Variants in ARFIP1 observed in about 807,000 individuals in gnomAD.
ARFIP1 encodes the protein arfaptin-1.
ARFIP1 carries 24 observed loss-of-function variants against 42.5 expected under a neutral mutation model. The observed-to-expected ratio is 0.57, with a 90% CI of 0.41 to 0.80. The LOEUF (loss-of-function observed/expected upper bound fraction) is 0.80, where lower values mean the gene tolerates loss of function less well. Ranked by LOEUF, ARFIP1 falls within the 30% of genes least tolerant of loss-of-function variation. ARFIP1 has a pLI of 0.00. For missense variants in ARFIP1, 354 were observed against 434.0 expected, an observed-to-expected ratio of 0.82 and a Z score of 1.64; for synonymous variants, 141 against 153.7, an observed-to-expected ratio of 0.92 and a Z score of 0.61.
intron 1 of ARFIP1, among the ~76,000 whole-genome samples, chr4:152,822,296 T>TAAAAAAAAAAAAAAAAAAAAAAGAA (rs1730440694): frequency 1.5e-5 from 1 of 65,580 alleles, no homozygotes; most frequent in African/African-American, 5.1e-5. Flanking sequence ...GCAACAGCAG[T>TAAAAAAAAAAAAAAAAAAAAAAGAA]AAAAAAAAAA....
At chr4:152,815,741 T>G (rs1173282189) in intron 1 of ARFIP1, among the ~76,000 whole-genome samples, 2 of 135,022 alleles carry the variant, frequency 1.5e-5, no homozygotes, top group African/African-American at 5.9e-5. Flanking sequence ...ACCACTTCTT[T>G]TTTTTTTTTT....
intron 3 of ARFIP1, among the ~76,000 whole-genome samples, chr4:152,869,730 GTAGT>G (rs749643449): frequency 6.6e-6 from 1 of 152,158 alleles, no homozygotes; most frequent in African/African-American, 2.4e-5. Flanking sequence ...CTCTCAGCCA[GTAGT>G]TAATGTTTCT....
intron 2 of ARFIP1, 92 bp from the exon 3 acceptor site, chr4:152,863,514 A>G: frequency 1.4e-6 from 1 of 712,018 alleles, no homozygotes; most frequent in South Asian, 1.8e-5. Context: ...AAAATAATCT[A>G]AGATTTGATT....
At chr4:152,872,196 GTTTT>G (rs1378080987) in intron 4 of ARFIP1, among the ~76,000 whole-genome samples, 3 of 152,074 alleles carry the variant, frequency 2.0e-5, no homozygotes. Flanking sequence ...TGCAGCAAGA[GTTTT>G]TTTGTTTGTT....
At chr4:152,843,703 G>T (rs1732295874) in intron 2 of ARFIP1, among the ~76,000 whole-genome samples, 2 of 152,162 alleles carry the variant, frequency 1.3e-5, no homozygotes, top group South Asian at 4.1e-4. Flanking sequence ...GTGGGGGAAA[G>T]CCGGCAGTCA....
chr4:152,793,340 A>G (rs1403144363), intron 1 of ARFIP1, among the ~76,000 whole-genome samples: 1 of 148,076 alleles, frequency 6.8e-6, no homozygotes, highest in Non-Finnish European at 1.5e-5. Flanking sequence ...ATATATATAT[A>G]TAATATATAT....
intron 1 of ARFIP1, among the ~76,000 whole-genome samples, chr4:152,821,469 ACAAAGT>A (rs977807387): frequency 6.6e-6 from 1 of 152,196 alleles, no homozygotes; most frequent in African/African-American, 2.4e-5. Context: ...AAAGAAATGA[ACAAAGT>A]CATCCGGAAA....
intron 2 of ARFIP1, among the ~76,000 whole-genome samples, chr4:152,856,283 C>T (rs1733428250): frequency 6.6e-6 from 1 of 152,140 alleles, no homozygotes; most frequent in African/African-American, 2.4e-5. Context: ...GAGTGTTGTT[C>T]TTTCTGATAA....
intron 1 of ARFIP1, chr4:152,796,421 C>G: frequency 1.3e-6 from 1 of 742,096 alleles, no homozygotes; most frequent in Non-Finnish European, 2.5e-6. Context: ...CTTCTTCTTT[C>G]TCTTTCCTGT....
At chr4:152,815,738 C>CT (rs1218298842) in intron 1 of ARFIP1, among the ~76,000 whole-genome samples, 2,607 of 85,444 alleles carry the variant, frequency 0.031, 57 homozygotes, top group African/African-American at 0.035. Context: ...CTGACCACTT[C>CT]TTTTTTTTTT....
At chr4:152,808,011 G>A (rs772865098) in intron 1 of ARFIP1, among the ~76,000 whole-genome samples, 11 of 151,620 alleles carry the variant, frequency 7.3e-5, no homozygotes, top group South Asian at 4.1e-4. Context: ...ACAGAGTTTC[G>A]CTGTTGTTGC....
intron 5 of ARFIP1, among the ~76,000 whole-genome samples, chr4:152,878,714 A>G (rs1281135951): frequency 2.0e-5 from 3 of 152,212 alleles, no homozygotes; most frequent in East Asian, 1.9e-4. Flanking sequence ...CTTCACCTCT[A>G]TGCCTGCTTG....
intron 1 of ARFIP1, among the ~76,000 whole-genome samples, chr4:152,812,536 T>C (rs1481461748): frequency 6.6e-6 from 1 of 152,234 alleles, no homozygotes; most frequent in African/African-American, 2.4e-5. Flanking sequence ...CTTGAGTTCT[T>C]TTGTCATTCT....
chr4:152,848,173 G>C (rs1352878299), intron 2 of ARFIP1, among the ~76,000 whole-genome samples: 2 of 152,144 alleles, frequency 1.3e-5, no homozygotes, highest in Admixed American at 1.3e-4. Flanking sequence ...GAATTACCCA[G>C]TATTAATTAA....
At chr4:152,809,031 G>A (rs1258315647) in intron 1 of ARFIP1, among the ~76,000 whole-genome samples, 2 of 152,060 alleles carry the variant, frequency 1.3e-5, no homozygotes, top group African/African-American at 2.4e-5. Flanking sequence ...CAGCCTGGGC[G>A]ACAGAGGAAG....
intron 1 of ARFIP1, among the ~76,000 whole-genome samples, chr4:152,812,638 A>G (rs1045423397): frequency 6.6e-6 from 1 of 152,202 alleles, no homozygotes; most frequent in African/African-American, 2.4e-5. Context: ...GAAATTCCAA[A>G]TGAACTGGTG....
intron 2 of ARFIP1, among the ~76,000 whole-genome samples, chr4:152,853,835 C>T (rs961535630): frequency 6.6e-6 from 1 of 151,104 alleles, no homozygotes; most frequent in African/African-American, 2.4e-5. Context: ...ATACTTTCCT[C>T]ATTCTTTTTT....
intron 1 of ARFIP1, among the ~76,000 whole-genome samples, chr4:152,813,414 T>G (rs963551472): frequency 7.2e-5 from 11 of 152,194 alleles, no homozygotes; most frequent in African/African-American, 2.7e-4. Context: ...TTGTTTGTTT[T>G]TATGCTTCTC....
chr4:152,891,874 AT>A (rs111902405), intron 8 of ARFIP1, among the ~76,000 whole-genome samples: 47 of 145,386 alleles, frequency 3.2e-4, no homozygotes, highest in East Asian at 1.2e-3. Flanking sequence ...TGCCCAGTTA[AT>A]TTTTTTTTTT....
Sources: gnomAD v4.1 joint callset for allele counts (sites outside exome capture counted in the v4.1 genomes callset) on GRCh38, gnomAD v4.1.1 for gene constraint, MANE v1.5 for transcripts, NCBI Gene and HGNC (gene_info 2026-07-23, HGNC 2026-07-21) for gene names.